The following PARP6 variants were observed in gnomAD, a reference collection of about 807,000 sequenced individuals.
PARP6 encodes protein mono-ADP-ribosyltransferase PARP6.
Under a neutral mutation model 92.0 loss-of-function variants are expected in PARP6, and 27 were observed. The observed-to-expected ratio is 0.29, with a 90% CI of 0.22 to 0.40. PARP6 has a LOEUF of 0.40. PARP6 is among the 10% of genes least tolerant of loss of function. PARP6 has a pLI of 1.00. For synonymous variants in PARP6, 272 were observed against 281.2 expected (o/e 0.97, Z 0.33); for missense variants, 501 against 784.5 (o/e 0.64, Z 4.32).
At chr15:72,268,959 A>AAAAAC (rs1210999507) in intron 2 of PARP6, among the ~76,000 whole-genome samples, 3 of 152,202 alleles carry the variant, frequency 2.0e-5, no homozygotes, top group Non-Finnish European at 2.9e-5. Flanking sequence ...CATATAGCAG[A>AAAAAC]AAAACAAAAC....
At chr15:72,247,346 A>AT (rs1205209979) in intron 20 of PARP6, among the ~76,000 whole-genome samples, 1 of 150,406 alleles carries the variant, frequency 6.6e-6, no homozygotes, top group African/African-American at 2.4e-5. Flanking sequence ...GGTTATTTTT[A>AT]TTTTTTTGCA....
Position 72,249,335 on chromosome 15 carries a change from T to C in PARP6, c.1492-21A>G, listed in dbSNP as rs148033157. On this transcript the variant is annotated intron_variant, in intron 19 of 23. Coordinates refer to ENST00000569795, the MANE Select transcript of PARP6 (RefSeq NM_001323532.2). Reference sequence around the variant, plus strand: ...TGCAGCTTGCAGGGAAACACCAGGATGAGTAATATGAGCCTGGGCCCTCCC... The same window carrying C: ...TGCAGCTTGCAGGGAAACACCAGGACGAGTAATATGAGCCTGGGCCCTCCC... 7 of 1,478,178 alleles carry C rather than the reference T, an allele frequency of 4.7e-6. No individual in the cohort carries two copies. The Admixed American group carries it at 5.1e-5, about 11-fold the overall frequency. The allele number at this position is 1,478,178 out of a possible 1,614,324, so 91.6% of individuals were successfully genotyped here.
intron 14 of PARP6, 52 bp from the exon 15 acceptor site, chr15:72,254,572 A>G (rs771405746): frequency 2.2e-5 from 31 of 1,434,270 alleles, no homozygotes; most frequent in Non-Finnish European, 2.8e-5. Context: ...AGTAGAGGAA[A>G]GTAAGATGTG....
At chr15:72,266,106 T>C (rs762710027) in intron 4 of PARP6, 115 bp from the exon 5 acceptor site, 8 of 763,856 alleles carry the variant, frequency 1.0e-5, no homozygotes, top group South Asian at 1.5e-5. Context: ...GACAGCAGTA[T>C]AGGGGAAGTA....
chr15:72,252,579 G>A (rs544024284), intron 16 of PARP6, among the ~76,000 whole-genome samples: 261 of 151,982 alleles, frequency 1.7e-3, no homozygotes, highest in African/African-American at 5.9e-3. Context: ...TCCGCCTCCC[G>A]GGTTCAAGCG....
intron 1 of PARP6, among the ~76,000 whole-genome samples, chr15:72,271,904 T>C (rs2087491463): frequency 1.3e-5 from 2 of 152,338 alleles, no homozygotes; most frequent in South Asian, 4.1e-4. Flanking sequence ...CACAAAGGTC[T>C]TTCCCTAGGT....
At chr15:72,271,480 G>A (rs1455117998) in intron 1 of PARP6, among the ~76,000 whole-genome samples, 193 bp from the exon 2 acceptor site, 1 of 152,146 alleles carries the variant, frequency 6.6e-6, no homozygotes, top group Non-Finnish European at 1.5e-5. Flanking sequence ...GGAAGGTGGT[G>A]GGTTATGGAA....
At position 72,250,953 on chromosome 15, in the gene PARP6, AGCT is replaced by A; in HGVS notation, c.1309-2_1309del. On this transcript the variant is annotated splice_acceptor_variant and coding_sequence_variant, in exon 18 of 24. Coordinates refer to ENST00000569795, the MANE Select transcript of PARP6 (RefSeq NM_001323532.2). LOFTEE classifies it high-confidence loss of function. ...CTGGTGTGAGGTGTGCATGAACTTC[AGCT>A]GCTGCCCAGGGTGGGGGTGGAATCA... 6.2e-7 allele frequency: 1 copy of A among 1,608,814 alleles called. No individual in the cohort carries two copies. The highest frequency in any genetic ancestry group is 8.5e-7 in the Non-Finnish European group (1 of 1,176,140).
chr15:72,260,539 T>G lies in PARP6; in HGVS notation c.695A>C (p.Gln232Pro). The stretch of plus-strand genomic sequence containing the variant: ...GTGCTGAGGGCACAGGAGACCTGCC[T>G]GGGGGCTGGGAGGGTAGCCAAACAC... ...VEVFGYPPSP[Q>P]AGLLCPQHVG... The change falls in exon 10 of 24, where the codon CAG (glutamine) becomes CCG (proline). Residue 232 changes from glutamine (Q) to proline (P), a missense_variant. By Grantham distance (76) the Gln-to-Pro change is moderately conservative (BLOSUM62 -1). Around this residue, in one of 4 missense-constraint regions of PARP6, gnomAD observed 291 missense variants for 352.0 expected, o/e 0.83. Coordinates refer to ENST00000569795, the MANE Select transcript of PARP6 (RefSeq NM_001323532.2). 1.2e-6 allele frequency: 2 copies of G among 1,614,182 alleles called. No homozygotes were observed. Among genetic ancestry groups the G allele is most frequent in the Non-Finnish European group, 1.7e-6 (2 of 1,180,028 alleles).
At chr15:72,266,491 T>C (rs907185501) in intron 4 of PARP6, among the ~76,000 whole-genome samples, 5 of 141,972 alleles carry the variant, frequency 3.5e-5, no homozygotes, top group Admixed American at 1.4e-4. Flanking sequence ...GTTATAAAAG[T>C]CAGAAAATAA....
At chr15:72,265,350 C>T in intron 6 of PARP6, 63 bp downstream of exon 6, 1 of 1,388,050 alleles carries the variant, frequency 7.2e-7, no homozygotes, top group Non-Finnish European at 1.0e-6. Flanking sequence ...AGACTCCTGG[C>T]CTACATGACA....
chr15:72,258,183 T>C, intron 11 of PARP6, 51 bp from the exon 12 acceptor site: 1 of 1,340,322 alleles, frequency 7.5e-7, no homozygotes, highest in East Asian at 2.3e-5. Flanking sequence ...CACACACAGA[T>C]ATGGGAAATA....
chr15:72,254,941 G>C (rs548458941), intron 14 of PARP6, among the ~76,000 whole-genome samples: 1 of 152,234 alleles, frequency 6.6e-6, no homozygotes, highest in African/African-American at 2.4e-5. Flanking sequence ...ATTATTTCTG[G>C]GTGTGTTTGT....
chr15:72,253,234 A>G (rs1473776845), intron 16 of PARP6, among the ~76,000 whole-genome samples: 3 of 152,128 alleles, frequency 2.0e-5, no homozygotes, highest in African/African-American at 7.2e-5. Context: ...TGAAAGAAAA[A>G]TCATGTCAGA....
chr15:72,268,845 T>C (rs2086966302), intron 2 of PARP6, among the ~76,000 whole-genome samples: 1 of 152,142 alleles, frequency 6.6e-6, no homozygotes, highest in African/African-American at 2.4e-5. Flanking sequence ...TTAGAAAAAC[T>C]TTTACTTAAC....
chr15:72,269,899 C>CAAAAAAAAAAAA (rs59023007), intron 2 of PARP6, among the ~76,000 whole-genome samples: 1 of 100,220 alleles, frequency 1.0e-5, no homozygotes, highest in African/African-American at 3.6e-5. Context: ...AACTCTGTCT[C>CAAAAAAAAAAAA]AAAAAAAAAA....
intron 20 of PARP6, chr15:72,244,369 G>C (rs1034267478): frequency 6.6e-6 from 1 of 152,164 alleles, no homozygotes; most frequent in African/African-American, 2.4e-5. Flanking sequence ...CATTTCCTGA[G>C]CCCAGAACCT....
chr15:72,258,170 T>A, intron 11 of PARP6, 38 bp from the exon 12 acceptor site: 1 of 1,413,222 alleles, frequency 7.1e-7, no homozygotes, highest in Non-Finnish European at 1.0e-6. Flanking sequence ...TTGGAAGTAC[T>A]GGCACACACA....
chr15:72,241,784 C>T lies in PARP6; in HGVS notation c.1790+117G>A. Reference sequence around the variant, plus strand: ...TGGTAAAGTCCCAGTGACAGCTCCACTCAGGTAGCCAAGGACATGTCTCAG... The same window carrying T: ...TGGTAAAGTCCCAGTGACAGCTCCATTCAGGTAGCCAAGGACATGTCTCAG... On this transcript the variant is annotated intron_variant, in intron 23 of 23. Coordinates refer to ENST00000569795, the MANE Select transcript of PARP6 (RefSeq NM_001323532.2). This position sits in a 1 kb window ranked among gnomAD's most constrained non-coding sequence, Gnocchi z 4.1. 1.2e-6 allele frequency: 1 copy of T among 851,586 alleles called. No homozygotes were observed. Among genetic ancestry groups the T allele is most frequent in the South Asian group, 1.4e-5 (1 of 69,236 alleles). 52.8% of individuals were successfully genotyped at this position (851,586 alleles called of 1,614,324 possible).
Sources: allele counts gnomAD v4.1 joint callset (sites outside exome capture counted in the v4.1 genomes callset), GRCh38; gene constraint gnomAD v4.1.1; regional missense constraint gnomAD v4.1.1; non-coding constraint Gnocchi (gnomAD v3.1); transcripts MANE v1.5; gene names NCBI Gene and HGNC (gene_info 2026-07-23, HGNC 2026-07-21).